PLEKHH1: variants seen among roughly 807,000 people sequenced by gnomAD.
PLEKHH1 encodes the protein pleckstrin homology, MyTH4 and FERM domain containing H1, also known as pleckstrin homology domain-containing family H member 1.
A neutral mutation model predicts 160.0 loss-of-function variants in PLEKHH1; 104 were observed. That is an observed-to-expected ratio of 0.65 (90% CI 0.55 to 0.76). The LOEUF (loss-of-function observed/expected upper bound fraction) is 0.76. Among genes scored for constraint, PLEKHH1 ranks in the 30% least tolerant of loss-of-function variants. The pLI is 0.00. For synonymous variants in PLEKHH1, 619 were observed against 678.4 expected, an observed-to-expected ratio of 0.91 and a Z score of 1.36; for missense variants, 1,427 against 1,724.1, an observed-to-expected ratio of 0.83 and a Z score of 3.05.
At chr14:67,583,324 A>T (rs1369480661) in intron 24 of PLEKHH1, among the ~76,000 whole-genome samples, 1 of 152,216 alleles carries the variant, frequency 6.6e-6, no homozygotes, top group African/African-American at 2.4e-5. Flanking sequence ...GATCAGGGAC[A>T]CAAAGCTGGG....
Position 67,572,249 on chromosome 14 carries a change from A to C in PLEKHH1, c.1700A>C (p.Tyr567Ser). The C allele has an allele frequency of 6.2e-7, 1 of 1,601,828 alleles. No homozygotes were observed. Among genetic ancestry groups the C allele is most frequent in the African/African-American group, 1.4e-5 (1 of 73,864 alleles). ...CACAAACTGCAGCGCACCTCATCCT[A>C]CTCCACCGACGGGCTGGGCCTGGGC... is the stretch of plus-strand genomic sequence containing the variant. Reference protein sequence around the residue: ...PEHKLQRTSSYSTDGLGLGGE... With the variant: ...PEHKLQRTSSSSTDGLGLGGE... The change falls in exon 11 of 29, where the codon TAC (tyrosine) becomes TCC (serine). Residue 567 changes from tyrosine (Y) to serine (S), a missense_variant. Physicochemically the swap from Tyr to Ser is moderately radical, Grantham distance 144. Around this residue, in one of 6 missense-constraint regions of PLEKHH1, gnomAD observed 831 missense variants for 929.2 expected, o/e 0.89. Transcript: ENST00000329153.
Position 67,585,466 on chromosome 14 carries a change from C to A in PLEKHH1, c.3700-102C>A, listed in dbSNP as rs532322599. 5 of 754,632 alleles carry A rather than the reference C, an allele frequency of 6.6e-6. No individual in the cohort carries two copies. The East Asian group carries it at 8.1e-5, about 12-fold the overall frequency. 46.7% of individuals were successfully genotyped at this position (754,632 alleles called of 1,614,324 possible). On this transcript the variant is annotated intron_variant, in intron 26 of 28. Transcript: ENST00000329153. ...TCCAAGATGAGGTGGCTGGAAATCA[C>A]TGCTTAGCAGATCCCTGGATGTGCC...
At chr14:67,570,378 T>G (rs1378904237) in intron 9 of PLEKHH1, 1 of 743,554 alleles carries the variant, frequency 1.3e-6, no homozygotes, top group East Asian at 1.2e-4. Flanking sequence ...CACTACATTT[T>G]AAAAACAAAA....
intron 4 of PLEKHH1, 23 bp from the exon 5 acceptor site, chr14:67,559,585 G>T: frequency 6.6e-7 from 1 of 1,523,868 alleles, no homozygotes. Flanking sequence ...TGGGATTAAC[G>T]GAAGGCCCTC....
intron 7 of PLEKHH1, among the ~76,000 whole-genome samples, chr14:67,563,584 C>T (rs1369716473): frequency 3.3e-5 from 5 of 151,836 alleles, no homozygotes; most frequent in African/African-American, 4.8e-5. Context: ...CAGGCATGCA[C>T]CACCACGCCC....
At chr14:67,552,280 A>G (rs978907519) in intron 2 of PLEKHH1, among the ~76,000 whole-genome samples, 3 of 152,198 alleles carry the variant, frequency 2.0e-5, no homozygotes, top group African/African-American at 7.2e-5. Flanking sequence ...CAGCCAAATA[A>G]GGGTTCTATA....
chr14:67,540,279 G>C (rs1370224459), intron 1 of PLEKHH1, among the ~76,000 whole-genome samples: 1 of 152,030 alleles, frequency 6.6e-6, no homozygotes, highest in Non-Finnish European at 1.5e-5. Context: ...ACAAATCCCA[G>C]ATATTATATT....
intron 2 of PLEKHH1, among the ~76,000 whole-genome samples, chr14:67,549,293 C>T (rs1441411988): frequency 6.8e-6 from 1 of 148,140 alleles, no homozygotes; most frequent in Non-Finnish European, 1.5e-5. Flanking sequence ...TTTTTTGAGA[C>T]AGAGTCTCAC....
chr14:67,576,069 T>C lies in PLEKHH1; in HGVS notation c.2352+64T>C, dbSNP rs2035612475. On this transcript the variant is annotated intron_variant, in intron 16 of 28. Coordinates refer to ENST00000329153, the MANE Select transcript of PLEKHH1 (RefSeq NM_020715.3). This position sits in a 1 kb window ranked among gnomAD's most constrained non-coding sequence, Gnocchi z 4.0. ...CCTGTGATTCTGATCTTCCCTTCTC[T>C]CTTTCTCCTGAGCTTCCCAAAATTC... 7.6e-7 allele frequency: 1 copy of C among 1,315,546 alleles called. No homozygotes were observed. The highest frequency in any genetic ancestry group is 1.5e-5 in the African/African-American group (1 of 68,014). The allele number at this position is 1,315,546 out of a possible 1,614,324, so 81.5% of individuals were successfully genotyped here.
chr14:67,555,701 T>A (rs2140388350), intron 2 of PLEKHH1, 124 bp from the exon 3 acceptor site: 2 of 1,407,142 alleles, frequency 1.4e-6, no homozygotes, highest in Admixed American at 4.2e-5. Flanking sequence ...CTCGAGCCAC[T>A]TGAGATGGGC....
At position 67,576,768 on chromosome 14, in the gene PLEKHH1, G is replaced by C. The variant is rs115750625; in HGVS notation, c.2461+265G>C. The stretch of plus-strand genomic sequence containing the variant: ...TGTTTTACTTGGATCAAGCTGCCCC[G>C]TTGCTGGCTGGGCAGAGGGCTGAGG... On this transcript the variant is annotated intron_variant, in intron 17 of 28. Coordinates refer to ENST00000329153, the MANE Select transcript of PLEKHH1 (RefSeq NM_020715.3). This position sits in a 1 kb window ranked among gnomAD's most constrained non-coding sequence, Gnocchi z 4.0. Among the ~76,000 whole-genome samples the C allele has an allele frequency of 4.4e-3, 677 of 152,256 alleles. 9 individuals are homozygous for C. The highest frequency in any genetic ancestry group is 0.016 in the African/African-American group (659 of 41,520).
chr14:67,580,894 C>T (rs1414966659), intron 22 of PLEKHH1, 44 bp from the exon 23 acceptor site: 2 of 1,302,466 alleles, frequency 1.5e-6, no homozygotes, highest in Non-Finnish European at 2.2e-6. Flanking sequence ...TCCCTTCTCT[C>T]CTTATCAGGA....
intron 1 of PLEKHH1, among the ~76,000 whole-genome samples, chr14:67,535,087 G>C (rs1055410283): frequency 6.6e-6 from 1 of 152,198 alleles, no homozygotes; most frequent in Non-Finnish European, 1.5e-5. Flanking sequence ...ATATCTCTAA[G>C]TTATATTGTT....
intron 9 of PLEKHH1, 179 bp from the exon 10 acceptor site, chr14:67,571,573 T>C: frequency 1.8e-6 from 1 of 566,596 alleles, no homozygotes; most frequent in Non-Finnish European, 3.2e-6. Context: ...CTGAGAAGCA[T>C]GGAGGTCATG....
Position 67,587,599 on chromosome 14 carries a change from G to C in PLEKHH1, c.*364G>C, listed in dbSNP as rs889374902. The C allele has an allele frequency of 3.4e-6, 1 of 290,696 alleles. No homozygotes were observed. Among genetic ancestry groups the C allele is most frequent in the Non-Finnish European group, 6.6e-6 (1 of 150,514 alleles). The allele number at this position is 290,696 out of a possible 1,614,324, so 18.0% of individuals were successfully genotyped here. ...TCAAGGAAGCTAATTTTCTTTCTGG[G>C]GGGGGCGGGGGACACAGTGTCACTA... On this transcript the variant is annotated 3_prime_UTR_variant, in exon 29 of 29. Coordinates refer to ENST00000329153, the MANE Select transcript of PLEKHH1 (RefSeq NM_020715.3).
chr14:67,545,079 G>GT (rs560836941), intron 2 of PLEKHH1, among the ~76,000 whole-genome samples: 120 of 152,302 alleles, frequency 7.9e-4, no homozygotes, highest in African/African-American at 2.8e-3. Flanking sequence ...CCAGGCTGAT[G>GT]TTTCTTTCTT....
chr14:67,560,762 C>T (rs7148708), intron 5 of PLEKHH1, among the ~76,000 whole-genome samples: 44,581 of 144,978 alleles, frequency 0.31, 7,077 homozygotes, highest in Non-Finnish European at 0.34. Context: ...CGGAGTCTCG[C>T]TCTTGTTTCC....
chr14:67,571,384 GCAATCA>G (rs1452397368), intron 9 of PLEKHH1: 1 of 205,368 alleles, frequency 4.9e-6, no homozygotes, highest in African/African-American at 2.2e-5. Flanking sequence ...CAATGGAGAT[GCAATCA>G]TTGATTGTTG....
intron 9 of PLEKHH1, 38 bp from the exon 10 acceptor site, chr14:67,571,708 GTTTTGC>G: frequency 1.3e-6 from 2 of 1,597,314 alleles, no homozygotes; most frequent in Non-Finnish European, 1.7e-6. Context: ...GGAGAGGACT[GTTTTGC>G]AGCCTGAGCT....
Sources: allele counts gnomAD v4.1 joint callset (sites outside exome capture counted in the v4.1 genomes callset), GRCh38; gene constraint gnomAD v4.1.1; regional missense constraint gnomAD v4.1.1; non-coding constraint Gnocchi (gnomAD v3.1); transcripts MANE v1.5; gene names NCBI Gene and HGNC (gene_info 2026-07-23, HGNC 2026-07-21).